Variants in GRM6 observed in about 807,000 individuals in gnomAD.
The protein encoded by GRM6 is metabotropic glutamate receptor 6.
Under a neutral mutation model 78.4 loss-of-function variants are expected in GRM6, and 73 were observed. That is an observed-to-expected ratio of 0.93 (90% CI 0.77 to 1.13). The LOEUF (loss-of-function observed/expected upper bound fraction) is 1.13. Ranked by LOEUF, GRM6 falls within the 50% of genes most tolerant of loss-of-function variation. The pLI is 0.00. For synonymous variants in GRM6, 580 were observed against 555.0 expected, an observed-to-expected ratio of 1.05 and a Z score of -0.63; for missense variants, 1,251 against 1,256.4, an observed-to-expected ratio of 1.00 and a Z score of 0.07.
At position 178,985,714 on chromosome 5, in the gene GRM6, A is replaced by G. The variant is rs1021537582; in HGVS notation, c.2124+416T>C. The G allele has an allele frequency of 1.0e-5, 4 of 388,414 alleles. No individual in the cohort carries two copies. The Admixed American group carries it at 1.3e-4, about 12-fold the overall frequency. The allele number at this position is 388,414 out of a possible 1,614,324, so 24.1% of individuals were successfully genotyped here. A position where few individuals can be genotyped will look rare whatever the true frequency, so the allele number is the denominator to read the frequency against. The stretch of plus-strand genomic sequence containing the variant: ...CGAGACTCTGTCTAAAAAAAAAAAA[A>G]CAAAACAACACAGGAACCAAAATAG... On this transcript the variant is annotated intron_variant, in intron 9 of 10. Coordinates refer to ENST00000517717, the MANE Select transcript of GRM6 (RefSeq NM_000843.4).
Position 178,981,519 on chromosome 5 carries a change from C to T in GRM6, c.*138G>A. 1.5e-6 allele frequency: 1 copy of T among 663,218 alleles called. No homozygotes were observed. The highest frequency in any genetic ancestry group is 2.6e-6 in the Non-Finnish European group (1 of 380,930). The allele number at this position is 663,218 out of a possible 1,614,324, so 41.1% of individuals were successfully genotyped here. A position where few individuals can be genotyped will look rare whatever the true frequency, so the allele number is the denominator to read the frequency against. On this transcript the variant is annotated 3_prime_UTR_variant, in exon 11 of 11. Transcript: ENST00000517717. This position sits in a 1 kb window ranked among gnomAD's most constrained non-coding sequence, Gnocchi z 5.1. Reference sequence around the variant, plus strand: ...GGTCCAGTTCCTTCTCAAGGCCAGCCCCACCGACGCGGAGCATGGTCTTGG... The same window carrying T: ...GGTCCAGTTCCTTCTCAAGGCCAGCTCCACCGACGCGGAGCATGGTCTTGG...
At position 178,986,271 on chromosome 5, in the gene GRM6, C is replaced by T. The variant is rs769872078; in HGVS notation, c.1983G>A (p.Thr661=). The T allele has an allele frequency of 1.7e-5, 28 of 1,613,964 alleles. No homozygotes were observed. Among genetic ancestry groups the T allele is most frequent in the Non-Finnish European group, 2.0e-5 (24 of 1,180,020 alleles). ...TGAGCAGGGCAGAGTAGCTGAGGGT[C>T]GTGCCCAGGCCCAGGAAGAGCCTGC... ...AARRLFLGLG[T]TLSYSALLTK... The change falls in exon 9 of 11, where the codon ACG becomes ACA. Residue 661 remains threonine, a synonymous_variant. Transcript: ENST00000517717.
At chr5:178,985,466 G>A (rs953469102) in intron 9 of GRM6, among the ~76,000 whole-genome samples, 4 of 151,666 alleles carry the variant, frequency 2.6e-5, no homozygotes, top group East Asian at 3.9e-4. Flanking sequence ...CACTTTGGGA[G>A]GCCGAGGTGG....
Position 178,994,782 on chromosome 5 carries a change from G to C in GRM6, c.163C>G (p.Arg55Gly), listed in dbSNP as rs1281116169. 3 of 1,342,918 alleles carry C rather than the reference G, an allele frequency of 2.2e-6. No individual in the cohort carries two copies. Among genetic ancestry groups the C allele is most frequent in the South Asian group, 1.7e-5 (1 of 59,164 alleles). 83.2% of individuals were successfully genotyped at this position (1,342,918 alleles called of 1,614,324 possible). ...FPVHARGAAGRACGQLKKEQG... is the reference protein window; with the variant it reads ...FPVHARGAAGGACGQLKKEQG... ...TCCTTCTTCAGCTGCCCGCACGCCC[G>C]GCCCGCCGCGCCCCGCGCGTGCACC... Residue 55 changes from arginine to glycine, a missense_variant, in exon 2 of 11, where the codon CGG (arginine) becomes GGG (glycine). Coordinates refer to ENST00000517717, the MANE Select transcript of GRM6 (RefSeq NM_000843.4).
intron 6 of GRM6, 49 bp downstream of exon 6, chr5:178,989,216 C>CCA: frequency 4.2e-6 from 5 of 1,183,462 alleles, no homozygotes; most frequent in Non-Finnish European, 6.1e-6. Context: ...TCCCCACCCT[C>CCA]ACCACCCTCC....
chr5:178,986,233 C>T lies in GRM6; in HGVS notation c.2021G>A (p.Arg674His), dbSNP rs141161139. The T allele has an allele frequency of 1.3e-4, 217 of 1,614,114 alleles. 1 individual carries two copies. In the African/African-American group the frequency reaches 1.6e-3, roughly 12 times the overall value. Residue 674 changes from arginine (R) to histidine (H), a missense_variant, in exon 9 of 11, where the codon CGT (arginine) becomes CAT (histidine). By Grantham distance (29) the Arg-to-His change is conservative (BLOSUM62 0). Transcript: ENST00000517717. Reference protein sequence around the residue: ...SYSALLTKTNRIYRIFEQGKR... With the variant: ...SYSALLTKTNHIYRIFEQGKR... ...GCCCTGCTCAAAGATGCGGTAGATA[C>T]GGTTGGTCTTGGTGAGCAGGGCAGA...
intron 2 of GRM6, among the ~76,000 whole-genome samples, chr5:178,993,643 A>T (rs577021519): frequency 6.6e-6 from 1 of 152,162 alleles, no homozygotes; most frequent in Non-Finnish European, 1.5e-5. Flanking sequence ...CTCCCGCCAC[A>T]GAACCCCAGA....
chr5:178,993,487 C>CAT (rs1760717947), intron 2 of GRM6, among the ~76,000 whole-genome samples: 1 of 152,176 alleles, frequency 6.6e-6, no homozygotes, highest in Non-Finnish European at 1.5e-5. Flanking sequence ...TGTGCGCAGA[C>CAT]GATAGGGAGC....
At chr5:178,985,751 T>C (rs1760527165) in intron 9 of GRM6, 1 of 446,918 alleles carries the variant, frequency 2.2e-6, no homozygotes, top group Non-Finnish European at 4.4e-6. Context: ...AAAGAGTGAC[T>C]CTAAAAACGG....
In GRM6 at chr5:178,990,710, G is replaced by T. The variant is rs199833388; in HGVS notation, c.894C>A (p.Thr298=). Residue 298 remains threonine (T), a synonymous_variant, in exon 5 of 11, where the codon ACC becomes ACA. Coordinates refer to ENST00000517717, the MANE Select transcript of GRM6 (RefSeq NM_000843.4). ...VLEAARQANL[T]GHFLWVGSDS... Reference sequence around the variant, plus strand: ...CTGAGCCGACCCACAGGAAGTGGCCGGTCAGGTTGGCCTGGCGAGCTGCCT... The same window carrying T: ...CTGAGCCGACCCACAGGAAGTGGCCTGTCAGGTTGGCCTGGCGAGCTGCCT... 13 of 1,587,196 alleles carry T rather than the reference G, an allele frequency of 8.2e-6. No homozygotes were observed. In the East Asian group the frequency reaches 2.8e-4, roughly 34 times the overall value.
rs535227496 is a variant in GRM6, at chr5:178,993,303, G to C, written c.504+1138C>G. On this transcript the variant is annotated intron_variant, in intron 2 of 10. Transcript: ENST00000517717. ...TGGGCCCCTGAAGGCCTTGGGGTCTGGAATCTCTGCATTCGACCTAGAGGA... is the reference window on the plus strand; with the variant it reads ...TGGGCCCCTGAAGGCCTTGGGGTCTCGAATCTCTGCATTCGACCTAGAGGA... Among the ~76,000 whole-genome samples the C allele has an allele frequency of 2.8e-3, 424 of 152,282 alleles. 7 individuals are homozygous for C. Among genetic ancestry groups the C allele is most frequent in the South Asian group, 0.013 (61 of 4,832 alleles).
In GRM6 at chr5:178,983,181, T is replaced by A. The variant is rs764767155; in HGVS notation, c.2165A>T (p.His722Leu). The change falls in exon 10 of 11, where the codon CAC becomes CTC. Residue 722 changes from histidine to leucine, a missense_variant. Coordinates refer to ENST00000517717, the MANE Select transcript of GRM6 (RefSeq NM_000843.4). ...CTGTTCCTCATAGTCAATCACGCTG[T>A]GTGGGGGCCGGGCCCCCAGCCATGC... ...MIAWLGARPPHSVIDYEEQRT... is the reference protein window; with the variant it reads ...MIAWLGARPPLSVIDYEEQRT... The A allele has an allele frequency of 5.0e-6, 8 of 1,613,312 alleles. No individual in the cohort carries two copies. Among genetic ancestry groups the A allele is most frequent in the Non-Finnish European group, 6.8e-6 (8 of 1,179,808 alleles).
chr5:178,985,222 G>A (rs759719691), intron 9 of GRM6: 3 of 454,556 alleles, frequency 6.6e-6, no homozygotes, highest in Non-Finnish European at 1.3e-5. Flanking sequence ...TTCCATATGT[G>A]AGCCAAATTG....
chr5:178,990,829 C>T (rs1760657249), intron 4 of GRM6, 83 bp from the exon 5 acceptor site: 1 of 1,134,378 alleles, frequency 8.8e-7, no homozygotes, highest in South Asian at 1.5e-5. Context: ...CTATCCATCT[C>T]CCCTGCTCTA....
chr5:178,991,187 G>T lies in GRM6; in HGVS notation c.857+237C>A, dbSNP rs1214555203. ...CAGGTCCCTCCCCGCACCCCCAGGA[G>T]CTGTAAACACAGACACATGTTCTGT... On this transcript the variant is annotated intron_variant, in intron 4 of 10. Transcript: ENST00000517717. The surrounding 1 kb of genome is among the most constrained non-coding windows in gnomAD (Gnocchi z 5.0). Among the ~76,000 whole-genome samples the T allele has an allele frequency of 6.6e-6, 1 of 152,120 alleles. No homozygotes were observed.
chr5:178,989,875 TGA>T, intron 5 of GRM6: 1 of 252,870 alleles, frequency 4.0e-6, no homozygotes, highest in South Asian at 5.3e-5. Context: ...CCCAGGGCTT[TGA>T]GAGCGCATTC....
In GRM6 at chr5:178,985,830, T is replaced by G. The variant is rs112497995; in HGVS notation, c.2124+300A>C. The G allele has an allele frequency of 4.4e-4, 236 of 535,378 alleles. 1 individual carries two copies. Among genetic ancestry groups the G allele is most frequent in the African/African-American group, 3.9e-3 (202 of 52,298 alleles). 33.2% of individuals were successfully genotyped at this position (535,378 alleles called of 1,614,324 possible). ...AAGCTGGATTGTAGTGGTGCGATCT[T>G]GGCTCACAGCAACCTTCAACTCTTG... On this transcript the variant is annotated intron_variant, in intron 9 of 10. Transcript: ENST00000517717.
chr5:178,986,301 G>A lies in GRM6; in HGVS notation c.1953C>T (p.Ala651=), dbSNP rs62638620. 11,709 of 1,613,956 alleles carry A rather than the reference G, an allele frequency of 7.3e-3. 46 individuals are homozygous for A. The highest frequency in any genetic ancestry group is 8.7e-3 in the Non-Finnish European group (10,244 of 1,179,948). Residue 651 remains alanine, a synonymous_variant, in exon 9 of 11, where the codon GCC becomes GCT. Coordinates refer to ENST00000517717, the MANE Select transcript of GRM6 (RefSeq NM_000843.4). The part of the protein sequence containing the change: ...MVAEPGAAVC[A]ARRLFLGLGT... ...CCAGGCCCAGGAAGAGCCTGCGGGC[G>A]GCACAGACCGCGGCCCCAGGCTCAG... is the stretch of plus-strand genomic sequence containing the variant.
At chr5:178,985,590 C>A (rs879020044) in intron 9 of GRM6, 4 of 348,680 alleles carry the variant, frequency 1.1e-5, no homozygotes, top group African/African-American at 2.2e-5. Flanking sequence ...GTAGTCCCAG[C>A]TACTCGGGAG....
Sources: allele counts gnomAD v4.1 joint callset (sites outside exome capture counted in the v4.1 genomes callset), GRCh38; gene constraint gnomAD v4.1.1; non-coding constraint Gnocchi (gnomAD v3.1); transcripts MANE v1.5; gene names NCBI Gene and HGNC (gene_info 2026-07-23, HGNC 2026-07-21).